Variants in DTWD2 observed in about 807,000 individuals in gnomAD.
The protein encoded by DTWD2 is DTW motif tRNA-uridine aminocarboxypropyltransferase 2.
DTWD2 carries 39 observed loss-of-function variants against 31.8 expected under a neutral mutation model. That is an observed-to-expected ratio of 1.22 (90% CI 0.95 to 1.60). DTWD2 has a LOEUF of 1.60. Ranked by LOEUF, DTWD2 falls within the 40% of genes most tolerant of loss-of-function variation. DTWD2 has a pLI of 0.00. For synonymous variants in DTWD2, 180 were observed against 142.8 expected (o/e 1.26, Z -1.86); for missense variants, 515 against 381.5 (o/e 1.35, Z -2.92).
intron 4 of DTWD2, among the ~76,000 whole-genome samples, chr5:118,913,515 T>C (rs981781806): frequency 6.7e-6 from 1 of 150,310 alleles, no homozygotes; most frequent in African/African-American, 2.4e-5. Flanking sequence ...AGTTTTAAAA[T>C]TAAAAAGATG....
At chr5:118,844,914 G>A (rs1335909199) in intron 5 of DTWD2, among the ~76,000 whole-genome samples, 1 of 151,990 alleles carries the variant, frequency 6.6e-6, no homozygotes, top group Admixed American at 6.6e-5. Flanking sequence ...CAGGTGGATC[G>A]CTTAAATCCC....
chr5:118,883,394 G>A (rs1016089965), intron 4 of DTWD2, among the ~76,000 whole-genome samples: 4 of 152,104 alleles, frequency 2.6e-5, no homozygotes, highest in Non-Finnish European at 5.9e-5. Flanking sequence ...TCCAACCTCT[G>A]CCTGTTACCA....
At chr5:118,889,406 G>C (rs894442002) in intron 4 of DTWD2, among the ~76,000 whole-genome samples, 1 of 151,980 alleles carries the variant, frequency 6.6e-6, no homozygotes, top group Non-Finnish European at 1.5e-5. Context: ...CATGAAATTC[G>C]AGACAGCTAT....
At chr5:118,954,250 A>T (rs1206333749) in intron 1 of DTWD2, among the ~76,000 whole-genome samples, 1 of 152,166 alleles carries the variant, frequency 6.6e-6, no homozygotes, top group African/African-American at 2.4e-5. Flanking sequence ...CAGCCTGGGC[A>T]ACAGAGAGAG....
At chr5:118,877,495 T>A (rs1212078951) in intron 4 of DTWD2, among the ~76,000 whole-genome samples, 2 of 150,528 alleles carry the variant, frequency 1.3e-5, no homozygotes, top group East Asian at 3.9e-4. Context: ...ATAAAAAAAA[T>A]AAAAAAAGCT....
intron 1 of DTWD2, among the ~76,000 whole-genome samples, chr5:118,971,744 C>A (rs531094760): frequency 6.6e-6 from 1 of 152,274 alleles, no homozygotes; most frequent in African/African-American, 2.4e-5. Context: ...CACTCCTCAG[C>A]AAATGCAAAA....
chr5:118,893,484 A>G (rs1349801137), intron 4 of DTWD2, among the ~76,000 whole-genome samples: 1 of 152,104 alleles, frequency 6.6e-6, no homozygotes, highest in East Asian at 1.9e-4. Flanking sequence ...GAAATTGATT[A>G]CCCATAGAGG....
At chr5:118,848,043 C>T in intron 5 of DTWD2, 47 bp downstream of exon 5, 1 of 1,449,788 alleles carries the variant, frequency 6.9e-7, no homozygotes. Flanking sequence ...TAGGTAAAAT[C>T]TAAGAAAACT....
chr5:118,842,358 G>A (rs1751737888), intron 5 of DTWD2, among the ~76,000 whole-genome samples: 1 of 152,032 alleles, frequency 6.6e-6, no homozygotes, highest in Non-Finnish European at 1.5e-5. Context: ...TCTTTAAAGG[G>A]GACAAACTTA....
chr5:118,912,915 A>C (rs550960836), intron 4 of DTWD2, among the ~76,000 whole-genome samples: 1 of 152,198 alleles, frequency 6.6e-6, no homozygotes, highest in African/African-American at 2.4e-5. Flanking sequence ...TCCTAAACAC[A>C]AACTAAACAT....
intron 1 of DTWD2, among the ~76,000 whole-genome samples, chr5:118,972,473 T>C (rs1299029326): frequency 6.6e-6 from 1 of 151,738 alleles, no homozygotes; most frequent in Admixed American, 6.6e-5. Flanking sequence ...ACCAAGGCAG[T>C]AATTAAATAG....
At chr5:118,939,137 C>G (rs1179470284) in intron 3 of DTWD2, 59 bp downstream of exon 3, 33 of 1,494,946 alleles carry the variant, frequency 2.2e-5, no homozygotes, top group Non-Finnish European at 3.0e-5. Flanking sequence ...CTGAAAGAAA[C>G]CATTTTTTAA....
intron 4 of DTWD2, among the ~76,000 whole-genome samples, chr5:118,860,919 T>C (rs1752246134): frequency 6.6e-6 from 1 of 152,218 alleles, no homozygotes; most frequent in African/African-American, 2.4e-5. Context: ...TCCTGGTTTA[T>C]CTCTTGTCTT....
In DTWD2 at chr5:118,856,615, A is replaced by G. The variant is rs76939303; in HGVS notation, c.598-8397T>C. ...TTATATACACCCATCAGTTCTGAAT[A>G]AGAGTTCCGTCTGTTCCATGTCATC... On this transcript the variant is annotated intron_variant, in intron 4 of 5. Coordinates refer to ENST00000510708, the MANE Select transcript of DTWD2 (RefSeq NM_173666.4). 2.7e-3 allele frequency among the ~76,000 whole-genome samples: 417 copies of G among 152,280 alleles called. 1 individual carries two copies. The highest frequency in any genetic ancestry group is 9.6e-3 in the African/African-American group (397 of 41,554).
At chr5:118,842,765 T>A (rs973274904) in intron 5 of DTWD2, among the ~76,000 whole-genome samples, 1 of 127,892 alleles carries the variant, frequency 7.8e-6, no homozygotes, top group Non-Finnish European at 1.6e-5. Flanking sequence ...AGACCCTGTT[T>A]CTATTAAAAA....
intron 1 of DTWD2, among the ~76,000 whole-genome samples, chr5:118,955,456 T>C (rs1056603345): frequency 1.3e-5 from 2 of 152,160 alleles, no homozygotes; most frequent in Middle Eastern, 3.2e-3. Flanking sequence ...CATTCTAAAA[T>C]CTCTCTAGAA....
intron 4 of DTWD2, among the ~76,000 whole-genome samples, chr5:118,904,044 C>T (rs1250532994): frequency 6.6e-6 from 1 of 151,912 alleles, no homozygotes; most frequent in African/African-American, 2.4e-5. Flanking sequence ...TAGGGTTACA[C>T]CAAGGTTGGT....
At chr5:118,970,659 G>A (rs566269188) in intron 1 of DTWD2, among the ~76,000 whole-genome samples, 3 of 151,858 alleles carry the variant, frequency 2.0e-5, no homozygotes, top group South Asian at 2.1e-4. Context: ...GATACTCCAC[G>A]AGAAGATCTA....
At chr5:118,952,399 G>C (rs1374179307) in intron 1 of DTWD2, among the ~76,000 whole-genome samples, 1 of 152,156 alleles carries the variant, frequency 6.6e-6, no homozygotes, top group African/African-American at 2.4e-5. Context: ...AGGGACATAG[G>C]GGTGGGGCCA....
Sources: gnomAD v4.1 joint callset for allele counts (sites outside exome capture counted in the v4.1 genomes callset) on GRCh38, gnomAD v4.1.1 for gene constraint, MANE v1.5 for transcripts, NCBI Gene and HGNC (gene_info 2026-07-23, HGNC 2026-07-21) for gene names.